The following PAMR1 variants were observed in gnomAD, a reference collection of about 807,000 sequenced individuals.
PAMR1 encodes inactive serine protease PAMR1.
In PAMR1, 88 loss-of-function variants were observed where a neutral mutation model predicts 81.8. The ratio of observed to expected loss-of-function variants is 1.08; its 90% CI spans 0.91 to 1.28. The LOEUF is 1.28. Among genes scored for constraint, PAMR1 ranks in the 50% most tolerant of loss-of-function variants. The pLI, the probability that PAMR1 is intolerant of heterozygous loss-of-function variation, is 0.00. For missense variants in PAMR1, 935 were observed against 919.7 expected, an observed-to-expected ratio of 1.02 and a Z score of -0.21; for synonymous variants, 336 against 345.3, an observed-to-expected ratio of 0.97 and a Z score of 0.30.
intron 1 of PAMR1, among the ~76,000 whole-genome samples, chr11:35,511,078 T>C (rs969357070): frequency 6.6e-6 from 1 of 152,238 alleles, no homozygotes; most frequent in African/African-American, 2.4e-5. Flanking sequence ...GCTGACCAAC[T>C]GGCACAGGTT....
At chr11:35,436,367 C>T (rs1018225155) in intron 8 of PAMR1, 10 of 463,364 alleles carry the variant, frequency 2.2e-5, no homozygotes, top group Non-Finnish European at 3.9e-5. Context: ...TCACTGCAAC[C>T]TCCACCTCCT....
upstream of PAMR1, among the ~76,000 whole-genome samples, chr11:35,527,761 C>A (rs1295309232): frequency 6.6e-6 from 1 of 152,136 alleles, no homozygotes; most frequent in African/African-American, 2.4e-5. Context: ...CTCCCCTTAT[C>A]TTTTCCCTTC....
chr11:35,492,770 C>A (rs186866301), intron 2 of PAMR1, among the ~76,000 whole-genome samples: 2 of 152,176 alleles, frequency 1.3e-5, no homozygotes, highest in Non-Finnish European at 2.9e-5. Flanking sequence ...TGGAATGTGT[C>A]GGGCTCCCCA....
At chr11:35,470,335 T>C (rs1590347138) in intron 5 of PAMR1, among the ~76,000 whole-genome samples, 2 of 152,354 alleles carry the variant, frequency 1.3e-5, no homozygotes, top group Admixed American at 6.5e-5. Context: ...TGCCCCTATA[T>C]CTGTGTGACC....
chr11:35,521,919 T>TG (rs1206202011), intron 1 of PAMR1, among the ~76,000 whole-genome samples: 1 of 151,904 alleles, frequency 6.6e-6, no homozygotes, highest in African/African-American at 2.4e-5. Flanking sequence ...TGTTTGGTTT[T>TG]TTTTTGTTTT....
intron 7 of PAMR1, among the ~76,000 whole-genome samples, chr11:35,440,307 G>T (rs1214536447): frequency 1.3e-5 from 2 of 152,182 alleles, no homozygotes; most frequent in East Asian, 1.9e-4. Flanking sequence ...GAGAACTTTG[G>T]TTGTATTAAT....
At chr11:35,507,096 G>C (rs1046161366) in intron 1 of PAMR1, among the ~76,000 whole-genome samples, 1 of 132,808 alleles carries the variant, frequency 7.5e-6, no homozygotes, top group Non-Finnish European at 1.5e-5. Flanking sequence ...GCCCAGGCTG[G>C]AGTGCAATGG....
intron 3 of PAMR1, among the ~76,000 whole-genome samples, chr11:35,478,211 A>T (rs767488003): frequency 1.3e-5 from 2 of 152,040 alleles, no homozygotes; most frequent in African/African-American, 2.4e-5. Flanking sequence ...ATCCCCATTT[A>T]GGCTTCCTTG....
At chr11:35,504,330 G>A (rs597762) in intron 1 of PAMR1, among the ~76,000 whole-genome samples, 1 of 151,952 alleles carries the variant, frequency 6.6e-6, no homozygotes, top group Non-Finnish European at 1.5e-5. Flanking sequence ...TTCGCCTCTA[G>A]TTATCTTTTT....
At chr11:35,450,520 T>C (rs1465822890) in intron 6 of PAMR1, among the ~76,000 whole-genome samples, 2 of 152,214 alleles carry the variant, frequency 1.3e-5, no homozygotes, top group Middle Eastern at 3.2e-3. Flanking sequence ...AATGCCTCCA[T>C]GATGTGGGAG....
intron 1 of PAMR1, among the ~76,000 whole-genome samples, chr11:35,515,848 T>TC (rs397824744): frequency 5.9e-5 from 9 of 151,860 alleles, no homozygotes; most frequent in South Asian, 2.1e-4. Context: ...CTCTTTTTTT[T>TC]TCTCTCTCTG....
chr11:35,478,557 G>GCC (rs550667386), intron 3 of PAMR1, among the ~76,000 whole-genome samples: 15 of 99,090 alleles, frequency 1.5e-4, no homozygotes, highest in African/African-American at 5.7e-4. Context: ...AGGAGGGAGC[G>GCC]CTCCCTCCCC....
At chr11:35,518,936 A>G (rs1443517069) in intron 1 of PAMR1, among the ~76,000 whole-genome samples, 1 of 152,200 alleles carries the variant, frequency 6.6e-6, no homozygotes, top group African/African-American at 2.4e-5. Flanking sequence ...TGGCAGCAAC[A>G]GCCTGGTTTT....
intron 6 of PAMR1, among the ~76,000 whole-genome samples, chr11:35,454,039 GT>G (rs978005399): frequency 2.0e-5 from 3 of 151,806 alleles, no homozygotes; most frequent in Non-Finnish European, 4.4e-5. Flanking sequence ...TCTTATTTTT[GT>G]TTTTTTTCCT....
chr11:35,440,983 A>G (rs1054684690), intron 7 of PAMR1, among the ~76,000 whole-genome samples: 3 of 152,118 alleles, frequency 2.0e-5, no homozygotes, highest in Non-Finnish European at 2.9e-5. Context: ...ATCTCTTCCT[A>G]TAACTATCCC....
At chr11:35,502,300 GGTTT>G (rs1850862564) in intron 1 of PAMR1, among the ~76,000 whole-genome samples, 1 of 151,762 alleles carries the variant, frequency 6.6e-6, no homozygotes, top group South Asian at 2.1e-4. Flanking sequence ...AACATGTGCC[GGTTT>G]GTTACATAGG....
chr11:35,495,964 A>G (rs1407545855), intron 1 of PAMR1, among the ~76,000 whole-genome samples: 1 of 152,192 alleles, frequency 6.6e-6, no homozygotes, highest in Admixed American at 6.5e-5. Flanking sequence ...AGATCCTTAC[A>G]TTGGTGTTTG....
At chr11:35,472,477 G>A (rs1850205343) in intron 4 of PAMR1, among the ~76,000 whole-genome samples, 1 of 152,172 alleles carries the variant, frequency 6.6e-6, no homozygotes, top group African/African-American at 2.4e-5. Flanking sequence ...TTAATTCTGG[G>A]TTAGAAGATA....
chr11:35,465,499 G>A (rs769208801), intron 6 of PAMR1, among the ~76,000 whole-genome samples: 1 of 152,164 alleles, frequency 6.6e-6, no homozygotes, highest in Non-Finnish European at 1.5e-5. Context: ...CTGATAGACT[G>A]CTCTGGAAAA....
Sources: gnomAD v4.1 joint callset for allele counts (sites outside exome capture counted in the v4.1 genomes callset) on GRCh38, gnomAD v4.1.1 for gene constraint, MANE v1.5 for transcripts, NCBI Gene and HGNC (gene_info 2026-07-23, HGNC 2026-07-21) for gene names.